SEMA3A: variants seen among roughly 807,000 people sequenced by gnomAD.
SEMA3A encodes semaphorin 3A, also known as semaphorin-3A.
Under a neutral mutation model 97.9 loss-of-function variants are expected in SEMA3A, and 29 were observed. The ratio of observed to expected loss-of-function variants is 0.30; its 90% CI spans 0.22 to 0.40. The LOEUF (loss-of-function observed/expected upper bound fraction) is 0.40. SEMA3A is among the 10% of genes least tolerant of loss of function. SEMA3A has a pLI of 1.00. For synonymous variants in SEMA3A, 321 were observed against 323.7 expected (o/e 0.99, Z 0.09); for missense variants, 763 against 951.3 (o/e 0.80, Z 2.60).
At chr7:84,031,271 G>A (rs1245179365) in intron 6 of SEMA3A, among the ~76,000 whole-genome samples, 1 of 152,010 alleles carries the variant, frequency 6.6e-6, no homozygotes, top group Non-Finnish European at 1.5e-5. Context: ...GATTACAGGT[G>A]TGAGCCACCG....
chr7:84,375,485 T>A (rs182148459), intron 1 of SEMA3A, among the ~76,000 whole-genome samples: 1 of 152,288 alleles, frequency 6.6e-6, no homozygotes, highest in Admixed American at 6.5e-5. Context: ...TTTGGGGAAT[T>A]ATTTCATTTG....
intron 1 of SEMA3A, among the ~76,000 whole-genome samples, chr7:84,143,013 T>G (rs1398751873): frequency 6.6e-6 from 1 of 152,168 alleles, no homozygotes; most frequent in Non-Finnish European, 1.5e-5. Flanking sequence ...TCGCTACAGT[T>G]TTGCTTAACA....
intron 1 of SEMA3A, among the ~76,000 whole-genome samples, chr7:84,156,674 A>G (rs1055422800): frequency 6.6e-5 from 10 of 152,176 alleles, no homozygotes; most frequent in African/African-American, 2.4e-4. Context: ...CATGTCAAAA[A>G]GACATGAAAT....
chr7:84,391,587 T>C (rs1011660331), intron 1 of SEMA3A, among the ~76,000 whole-genome samples: 1 of 152,296 alleles, frequency 6.6e-6, no homozygotes, highest in Middle Eastern at 3.4e-3. Context: ...CAGGATTTTC[T>C]GCTGTTATTA....
At chr7:84,182,509 C>T (rs1797763332) in intron 1 of SEMA3A, among the ~76,000 whole-genome samples, 1 of 152,098 alleles carries the variant, frequency 6.6e-6, no homozygotes, top group African/African-American at 2.4e-5. Context: ...TGCAGCCAAT[C>T]CTTTCCTGAA....
chr7:84,157,129 T>C (rs1193840309), intron 1 of SEMA3A, among the ~76,000 whole-genome samples: 1 of 152,150 alleles, frequency 6.6e-6, no homozygotes, highest in African/African-American at 2.4e-5. Context: ...AAATGCACTC[T>C]TTTAAATGGC....
intron 5 of SEMA3A, among the ~76,000 whole-genome samples, chr7:84,055,306 G>A (rs931564932): frequency 5.9e-5 from 9 of 152,114 alleles, no homozygotes; most frequent in Non-Finnish European, 8.8e-5. Flanking sequence ...CCCCCGCCTC[G>A]CTGCGGCCTT....
intron 6 of SEMA3A, among the ~76,000 whole-genome samples, chr7:84,044,319 G>A (rs909994071): frequency 1.3e-5 from 2 of 151,856 alleles, no homozygotes; most frequent in African/African-American, 2.4e-5. Flanking sequence ...TCCCTGGTGA[G>A]GCATCACATT....
chr7:84,026,109 A>G (rs1164178112), intron 6 of SEMA3A, among the ~76,000 whole-genome samples: 2 of 152,212 alleles, frequency 1.3e-5, no homozygotes, highest in Non-Finnish European at 2.9e-5. Context: ...GTTTTCCTCA[A>G]AAAGGCAAAT....
Position 84,111,589 on chromosome 7 carries a change from C to T in SEMA3A, c.334-1000G>A, listed in dbSNP as rs137923678. Among the ~76,000 whole-genome samples the T allele has an allele frequency of 1.5e-3, 224 of 152,170 alleles. 2 individuals are homozygous for T. In the East Asian group the frequency reaches 0.034, roughly 23 times the overall value. Reference sequence around the variant, plus strand: ...TATCACTTATTTTTCTAGGATGAAACCTGATGATGACCCTAAAATACATTG... The same window carrying T: ...TATCACTTATTTTTCTAGGATGAAATCTGATGATGACCCTAAAATACATTG... On this transcript the variant is annotated intron_variant, in intron 3 of 16. Coordinates refer to ENST00000265362, the MANE Select transcript of SEMA3A (RefSeq NM_006080.3).
chr7:84,414,708 A>T (rs937754946), intron 1 of SEMA3A, among the ~76,000 whole-genome samples: 1 of 152,124 alleles, frequency 6.6e-6, no homozygotes, highest in Non-Finnish European at 1.5e-5. Flanking sequence ...TATTATTAAA[A>T]GAAAAAATGT....
chr7:84,412,255 G>A (rs991802875), intron 1 of SEMA3A, among the ~76,000 whole-genome samples: 3 of 152,170 alleles, frequency 2.0e-5, no homozygotes, highest in Non-Finnish European at 4.4e-5. Flanking sequence ...AGCAGGGTCA[G>A]ATTGGTTACA....
intron 1 of SEMA3A, among the ~76,000 whole-genome samples, chr7:84,149,468 C>T (rs1333998552): frequency 6.6e-6 from 1 of 152,166 alleles, no homozygotes; most frequent in Non-Finnish European, 1.5e-5. Flanking sequence ...AATCCCTGCT[C>T]TCCCAGGACC....
intron 4 of SEMA3A, among the ~76,000 whole-genome samples, chr7:84,086,013 G>C (rs781604840): frequency 2.6e-5 from 4 of 152,144 alleles, no homozygotes; most frequent in Non-Finnish European, 5.9e-5. Flanking sequence ...TAGCCACACA[G>C]AATCAGGGAA....
chr7:84,055,346 A>T (rs531404075), intron 5 of SEMA3A, among the ~76,000 whole-genome samples: 1 of 152,176 alleles, frequency 6.6e-6, no homozygotes, highest in African/African-American at 2.4e-5. Context: ...CTGTGCTAGC[A>T]ATCAGCGAGA....
chr7:84,463,537 C>G (rs891059910), intron 1 of SEMA3A, among the ~76,000 whole-genome samples: 1 of 152,000 alleles, frequency 6.6e-6, no homozygotes, highest in Non-Finnish European at 1.5e-5. Flanking sequence ...CGTGAGCCAC[C>G]GCGCCTGGCG....
In SEMA3A at chr7:84,345,103, T is replaced by C. The variant is rs146885173; in HGVS notation, c.-169+26721A>G. 1.8e-3 allele frequency among the ~76,000 whole-genome samples: 278 copies of C among 152,212 alleles called. 1 individual carries two copies. Among genetic ancestry groups the C allele is most frequent in the African/African-American group, 6.5e-3 (270 of 41,532 alleles). ...CCAAACCACTGCAATAGAGCAAATATCTCAATAGAGCAAGTCACAGGAGCT... is the reference window on the plus strand; with the variant it reads ...CCAAACCACTGCAATAGAGCAAATACCTCAATAGAGCAAGTCACAGGAGCT... On this transcript the variant is annotated intron_variant, in intron 2 of 3. Coordinates refer to the SEMA3A transcript ENST00000424555.
At chr7:84,078,164 C>T (rs1794017578) in intron 4 of SEMA3A, among the ~76,000 whole-genome samples, 1 of 151,918 alleles carries the variant, frequency 6.6e-6, no homozygotes, top group Non-Finnish European at 1.5e-5. Flanking sequence ...AATGACCATA[C>T]AAGATATGTA....
At chr7:84,288,249 C>A (rs1266991165) in intron 3 of SEMA3A, among the ~76,000 whole-genome samples, 2 of 152,112 alleles carry the variant, frequency 1.3e-5, no homozygotes, top group Admixed American at 1.3e-4. Context: ...CCATGCCCAG[C>A]TAATCTTTAA....
Sources: allele counts gnomAD v4.1 joint callset (sites outside exome capture counted in the v4.1 genomes callset), GRCh38; gene constraint gnomAD v4.1.1; transcripts MANE v1.5; gene names NCBI Gene and HGNC (gene_info 2026-07-23, HGNC 2026-07-21).